EIPR1: variants seen among roughly 807,000 people sequenced by gnomAD.
EIPR1 encodes EARP and GARP complex-interacting protein 1.
Under a neutral mutation model 48.1 loss-of-function variants are expected in EIPR1, and 25 were observed. The ratio of observed to expected loss-of-function variants is 0.52; its 90% CI spans 0.38 to 0.73. EIPR1 has a LOEUF of 0.73. Ranked by LOEUF, EIPR1 falls within the 30% of genes least tolerant of loss-of-function variation. EIPR1 has a pLI of 0.00. For missense variants in EIPR1, 415 were observed against 506.2 expected (o/e 0.82, Z 1.73); for synonymous variants, 204 against 201.9 (o/e 1.01, Z -0.09).
At chr2:3,336,117 G>C (rs910948388) in intron 3 of EIPR1, among the ~76,000 whole-genome samples, 1 of 152,188 alleles carries the variant, frequency 6.6e-6, no homozygotes, top group Non-Finnish European at 1.5e-5. Context: ...AGAGAGTGAA[G>C]GGTGAAGGGG....
intron 8 of EIPR1, among the ~76,000 whole-genome samples, chr2:3,192,132 T>C (rs1664626393): frequency 6.6e-6 from 1 of 152,202 alleles, no homozygotes; most frequent in African/African-American, 2.4e-5. Context: ...TGAAGACCAG[T>C]GAGTCTTTTA....
intron 3 of EIPR1, among the ~76,000 whole-genome samples, chr2:3,321,283 G>A (rs1218278706): frequency 6.6e-6 from 1 of 152,204 alleles, no homozygotes; most frequent in East Asian, 1.9e-4. Flanking sequence ...AAGGAAAGGA[G>A]TCAATCTTTT....
chr2:3,274,732 G>T (rs927622952), intron 3 of EIPR1, among the ~76,000 whole-genome samples: 1 of 151,858 alleles, frequency 6.6e-6, no homozygotes, highest in Admixed American at 6.6e-5. Flanking sequence ...TACTTTTGAG[G>T]TTAATAAAAA....
At chr2:3,275,936 T>C (rs1263497896) in intron 3 of EIPR1, among the ~76,000 whole-genome samples, 1 of 152,204 alleles carries the variant, frequency 6.6e-6, no homozygotes, top group Admixed American at 6.5e-5. Context: ...CAACTGCTAA[T>C]GGCAGAACAA....
At chr2:3,252,097 G>C (rs903084236) in intron 4 of EIPR1, among the ~76,000 whole-genome samples, 3 of 152,206 alleles carry the variant, frequency 2.0e-5, no homozygotes, top group East Asian at 3.8e-4. Context: ...GGTTCAATAC[G>C]ATATGGTTGT....
chr2:3,267,537 T>A (rs369036718), intron 3 of EIPR1, among the ~76,000 whole-genome samples: 130 of 152,360 alleles, frequency 8.5e-4, no homozygotes, highest in African/African-American at 2.7e-3. Context: ...TCACAGAGCA[T>A]GTCTATACAA....
chr2:3,294,909 CCCTG>C (rs1302696220), intron 3 of EIPR1, among the ~76,000 whole-genome samples: 1 of 99,556 alleles, frequency 1.0e-5, no homozygotes, highest in Non-Finnish European at 2.0e-5. Context: ...CCCATTCTCT[CCCTG>C]CACACACACC....
intron 3 of EIPR1, among the ~76,000 whole-genome samples, chr2:3,292,215 G>A (rs12618667): frequency 0.059 from 8,928 of 152,286 alleles, 271 homozygotes; most frequent in Non-Finnish European, 0.063. Flanking sequence ...AGGTGACTGC[G>A]CGGCCAGACT....
At chr2:3,248,394 G>C (rs9973508) in intron 4 of EIPR1, among the ~76,000 whole-genome samples, 6,147 of 152,292 alleles carry the variant, frequency 0.04, 145 homozygotes, top group South Asian at 0.073. Flanking sequence ...AGGAGTTCGA[G>C]ACCAGCCTGG....
At chr2:3,332,926 A>G (rs1275160811) in intron 3 of EIPR1, among the ~76,000 whole-genome samples, 3 of 152,250 alleles carry the variant, frequency 2.0e-5, no homozygotes, top group South Asian at 2.1e-4. Context: ...GATTTAAGCT[A>G]GGAGAGATGG....
chr2:3,339,823 A>G (rs373324180), intron 2 of EIPR1, among the ~76,000 whole-genome samples: 2,864 of 152,220 alleles, frequency 0.019, 47 homozygotes, highest in South Asian at 0.084. Context: ...GGTGGCGGGC[A>G]CCTGTAGTCC....
At chr2:3,220,404 A>C (rs1021748057) in intron 4 of EIPR1, among the ~76,000 whole-genome samples, 3 of 151,600 alleles carry the variant, frequency 2.0e-5, no homozygotes, top group African/African-American at 7.3e-5. Context: ...TGGCTGTAGT[A>C]CATTCTAGAG....
intron 3 of EIPR1, among the ~76,000 whole-genome samples, chr2:3,270,074 T>C (rs1284220308): frequency 6.6e-6 from 1 of 152,226 alleles, no homozygotes; most frequent in Admixed American, 6.5e-5. Flanking sequence ...GCTGTCCACA[T>C]TGTCCAGATG....
intron 4 of EIPR1, among the ~76,000 whole-genome samples, chr2:3,244,878 T>C (rs917645117): frequency 2.6e-5 from 4 of 152,198 alleles, no homozygotes; most frequent in Non-Finnish European, 5.9e-5. Context: ...ATTTGCTTCA[T>C]AAAAGGATCA....
At chr2:3,267,039 C>G (rs1324922615) in intron 3 of EIPR1, among the ~76,000 whole-genome samples, 1 of 152,208 alleles carries the variant, frequency 6.6e-6, no homozygotes, top group African/African-American at 2.4e-5. Context: ...CCCCCACACC[C>G]TGAATCAATG....
chr2:3,326,335 G>T (rs552489777), intron 3 of EIPR1, among the ~76,000 whole-genome samples: 1 of 152,086 alleles, frequency 6.6e-6, no homozygotes, highest in East Asian at 1.9e-4. Context: ...TTGGAGAGCC[G>T]GTAAGCAGCA....
intron 1 of EIPR1, among the ~76,000 whole-genome samples, chr2:3,367,940 G>T (rs1671016042): frequency 6.6e-6 from 1 of 152,152 alleles, no homozygotes; most frequent in Non-Finnish European, 1.5e-5. Flanking sequence ...AGCTACTCAG[G>T]AGGCTGAGGC....
intron 3 of EIPR1, among the ~76,000 whole-genome samples, chr2:3,300,526 C>T (rs142356784): frequency 3.9e-5 from 6 of 152,316 alleles, no homozygotes; most frequent in African/African-American, 1.4e-4. Context: ...TGCATGTCCA[C>T]GGCCACATCC....
chr2:3,329,298 GC>G (rs1428377922), intron 3 of EIPR1, among the ~76,000 whole-genome samples: 10 of 55,552 alleles, frequency 1.8e-4, no homozygotes, highest in Admixed American at 4.5e-4. Context: ...TGATCTCAGG[GC>G]ACCAGCTGGG....
Sources: gnomAD v4.1 joint callset for allele counts (sites outside exome capture counted in the v4.1 genomes callset) on GRCh38, gnomAD v4.1.1 for gene constraint, MANE v1.5 for transcripts, NCBI Gene and HGNC (gene_info 2026-07-23, HGNC 2026-07-21) for gene names.